RBFOX1: variants seen among roughly 807,000 people sequenced by gnomAD.
RBFOX1 encodes RNA binding protein fox-1 homolog 1.
Under a neutral mutation model 57.7 loss-of-function variants are expected in RBFOX1, and 8 were observed. The observed-to-expected ratio is 0.14, with a 90% CI of 0.08 to 0.25. RBFOX1 has a LOEUF of 0.25. Ranked by LOEUF, RBFOX1 falls within the 10% of genes least tolerant of loss-of-function variation. The pLI, the probability that RBFOX1 is intolerant of heterozygous loss-of-function variation, is 1.00. For missense variants in RBFOX1, 611 were observed against 548.5 expected (o/e 1.11, Z -1.14); for synonymous variants, 326 against 222.4 (o/e 1.47, Z -4.15).
intron 3 of RBFOX1, among the ~76,000 whole-genome samples, chr16:6,815,725 C>T (rs545820865): frequency 2.0e-5 from 3 of 152,270 alleles, no homozygotes; most frequent in African/African-American, 4.8e-5. Context: ...ATTACCCACT[C>T]TTCTCTCTGG....
intron 3 of RBFOX1, among the ~76,000 whole-genome samples, chr16:6,896,348 GAGTAT>G (rs1166177768): frequency 1.3e-5 from 2 of 152,138 alleles, no homozygotes; most frequent in Non-Finnish European, 2.9e-5. Context: ...AATTACTACT[GAGTAT>G]AGTAATCAAA....
At chr16:5,607,247 G>A (rs576735459) in intron 3 of RBFOX1, among the ~76,000 whole-genome samples, 2 of 152,300 alleles carry the variant, frequency 1.3e-5, no homozygotes, top group East Asian at 3.9e-4. Flanking sequence ...GGAGCAGGAG[G>A]ACAAAGCTGA....
At chr16:6,941,923 T>A (rs1043221744) in intron 3 of RBFOX1, among the ~76,000 whole-genome samples, 1 of 152,126 alleles carries the variant, frequency 6.6e-6, no homozygotes, top group African/African-American at 2.4e-5. Flanking sequence ...TCCTCCCGCT[T>A]CAGTCTCCCA....
intron 7 of RBFOX1, among the ~76,000 whole-genome samples, chr16:7,593,613 AGTTCACCCTTGAACAACACAGGTTT>A (rs2094550001): frequency 6.6e-6 from 1 of 152,182 alleles, no homozygotes; most frequent in Non-Finnish European, 1.5e-5. Flanking sequence ...TTCTCGATAC[AGTTCACCCTTGAACAACACAGGTTT>A]GAACTGTGCA....
chr16:7,130,032 AT>A (rs58634498), intron 4 of RBFOX1, among the ~76,000 whole-genome samples: 8,682 of 133,246 alleles, frequency 0.065, 178 homozygotes, highest in South Asian at 0.13. Context: ...ATTTTTGAAG[AT>A]TTTTTTTTTT....
chr16:7,015,012 C>T (rs571241344), intron 3 of RBFOX1, among the ~76,000 whole-genome samples: 2 of 152,174 alleles, frequency 1.3e-5, no homozygotes, highest in African/African-American at 4.8e-5. Context: ...GTGTGAGCCA[C>T]CGTGCTTAGC....
intron 3 of RBFOX1, among the ~76,000 whole-genome samples, chr16:6,898,207 T>A (rs2067448554): frequency 6.6e-6 from 1 of 152,042 alleles, no homozygotes. Flanking sequence ...CATTGTGGAG[T>A]TTGCACCCAT....
intron 1 of RBFOX1, among the ~76,000 whole-genome samples, chr16:6,081,144 C>A (rs966186219): frequency 6.6e-6 from 1 of 152,152 alleles, no homozygotes; most frequent in Non-Finnish European, 1.5e-5. Flanking sequence ...TCTCATAGGG[C>A]GTCTTTCAGA....
chr16:6,722,884 G>A (rs1413069901), intron 3 of RBFOX1, among the ~76,000 whole-genome samples: 2 of 152,188 alleles, frequency 1.3e-5, no homozygotes, highest in African/African-American at 2.4e-5. Flanking sequence ...TCTGTGCCTG[G>A]TCTGGCCCCC....
At chr16:7,369,388 C>T (rs2097527522) in intron 4 of RBFOX1, among the ~76,000 whole-genome samples, 1 of 152,234 alleles carries the variant, frequency 6.6e-6, no homozygotes, top group African/African-American at 2.4e-5. Flanking sequence ...GTCCCGCAGA[C>T]TCTCCCTCAA....
rs375637075 is a variant in RBFOX1 at position 6,844,498 on chromosome 16, G to T, written c.-16+189848G>T. Among the ~76,000 whole-genome samples, 4 of 152,230 alleles carry T rather than the reference G, an allele frequency of 2.6e-5. No individual in the cohort carries two copies. In the East Asian group the frequency reaches 7.7e-4, roughly 29 times the overall value. On this transcript the variant is annotated intron_variant, in intron 3 of 15. Transcript: ENST00000550418. ...ATCTTCCAACTCCATCTATGTCTCT[G>T]CAGAAGATATGACCTTATTCTTTTT...
chr16:6,633,993 C>T (rs550184663), intron 2 of RBFOX1, among the ~76,000 whole-genome samples: 31 of 152,126 alleles, frequency 2.0e-4, no homozygotes, highest in Non-Finnish European at 3.7e-4. Context: ...CCAGACTGGA[C>T]AACATGAGTA....
intron 2 of RBFOX1, among the ~76,000 whole-genome samples, chr16:5,494,771 C>T (rs917749742): frequency 3.3e-5 from 5 of 152,182 alleles, no homozygotes; most frequent in Non-Finnish European, 5.9e-5. Flanking sequence ...TAATAGCTTT[C>T]GCTCCCTGGG....
At position 6,826,399 on chromosome 16, in the gene RBFOX1, T is replaced by A. The variant is rs774664733; in HGVS notation, c.-16+171749T>A. On this transcript the variant is annotated intron_variant, in intron 3 of 15. Transcript: ENST00000550418. ...AGAACACTGCCTGGTACATAGTAAATACTCCAGAGTTGCTCGCTGGGATCA... is the reference window on the plus strand; with the variant it reads ...AGAACACTGCCTGGTACATAGTAAAAACTCCAGAGTTGCTCGCTGGGATCA... Among the ~76,000 whole-genome samples, 17 of 152,126 alleles carry A rather than the reference T, an allele frequency of 1.1e-4. 1 individual carries two copies. Among genetic ancestry groups the A allele is most frequent in the African/African-American group, 1.9e-4 (8 of 41,436 alleles).
intron 3 of RBFOX1, among the ~76,000 whole-genome samples, chr16:6,904,896 C>T (rs371080104): frequency 6.6e-6 from 1 of 152,088 alleles, no homozygotes; most frequent in African/African-American, 2.4e-5. Flanking sequence ...TCTACAAATT[C>T]CCCTGTTCCC....
intron 4 of RBFOX1, among the ~76,000 whole-genome samples, chr16:7,201,797 G>A (rs1472798290): frequency 6.6e-6 from 1 of 152,140 alleles, no homozygotes; most frequent in Non-Finnish European, 1.5e-5. Flanking sequence ...TACCCAGGCT[G>A]GTAGAGAATG....
chr16:6,730,011 A>G (rs2068141974), intron 3 of RBFOX1, among the ~76,000 whole-genome samples: 1 of 152,008 alleles, frequency 6.6e-6, no homozygotes, highest in African/African-American at 2.4e-5. Context: ...TTTGTCTAGG[A>G]AGTAATTTGG....
At chr16:6,172,481 A>T (rs1481446235) in intron 1 of RBFOX1, among the ~76,000 whole-genome samples, 1 of 152,116 alleles carries the variant, frequency 6.6e-6, no homozygotes, top group Non-Finnish European at 1.5e-5. Context: ...TCAACCAAAA[A>T]TTGCCCCTGT....
intron 1 of RBFOX1, among the ~76,000 whole-genome samples, chr16:6,207,188 C>G (rs1337165831): frequency 1.3e-5 from 2 of 152,178 alleles, no homozygotes; most frequent in Admixed American, 6.5e-5. Flanking sequence ...TTTCGTTTCC[C>G]TGTCTTTTCC....
Sources: gnomAD v4.1 joint callset for allele counts (sites outside exome capture counted in the v4.1 genomes callset) on GRCh38, gnomAD v4.1.1 for gene constraint, MANE v1.5 for transcripts, NCBI Gene and HGNC (gene_info 2026-07-23, HGNC 2026-07-21) for gene names.